The following ULK4 variants were observed in gnomAD, a reference collection of about 807,000 sequenced individuals.
The protein encoded by ULK4 is unc-51 like kinase 4, also known as inactive serine/threonine-protein kinase ULK4.
Under a neutral mutation model 160.6 loss-of-function variants are expected in ULK4, and 133 were observed. That is an observed-to-expected ratio of 0.83 (90% CI 0.72 to 0.96). ULK4 has a LOEUF of 0.96. Ranked by LOEUF, ULK4 falls within the 40% of genes least tolerant of loss-of-function variation. The pLI is 0.00. For missense variants in ULK4, 1,580 were observed against 1,499.5 expected (o/e 1.05, Z -0.89); for synonymous variants, 534 against 539.8 (o/e 0.99, Z 0.15).
intron 32 of ULK4, among the ~76,000 whole-genome samples, chr3:41,547,955 G>A (rs2086921582): frequency 6.6e-6 from 1 of 152,142 alleles, no homozygotes; most frequent in South Asian, 2.1e-4. Flanking sequence ...GCTGCCTGGG[G>A]ATGCTGCCAC....
chr3:41,357,704 G>A (rs993519965), intron 35 of ULK4, among the ~76,000 whole-genome samples: 1 of 152,148 alleles, frequency 6.6e-6, no homozygotes, highest in Non-Finnish European at 1.5e-5. Context: ...CTCAGCATAG[G>A]TATAGGTCTA....
intron 30 of ULK4, among the ~76,000 whole-genome samples, chr3:41,662,531 G>A (rs2035212453): frequency 6.6e-6 from 1 of 152,142 alleles, no homozygotes; most frequent in South Asian, 2.1e-4. Context: ...TTTCTTGTTT[G>A]CTAGTAACAA....
intron 34 of ULK4, among the ~76,000 whole-genome samples, chr3:41,444,698 G>A (rs995360228): frequency 1.3e-5 from 2 of 152,148 alleles, no homozygotes; most frequent in African/African-American, 2.4e-5. Context: ...AAAATAAAAT[G>A]GCCAGGCGCG....
At chr3:41,667,876 T>A (rs2035401806) in intron 29 of ULK4, among the ~76,000 whole-genome samples, 1 of 152,154 alleles carries the variant, frequency 6.6e-6, no homozygotes, top group African/African-American at 2.4e-5. Flanking sequence ...AGGCAAGAAT[T>A]TGAAGAGACA....
At chr3:41,312,750 C>A (rs1475843042) in intron 35 of ULK4, among the ~76,000 whole-genome samples, 5 of 152,030 alleles carry the variant, frequency 3.3e-5, no homozygotes, top group Non-Finnish European at 5.9e-5. Context: ...TGAGGTTACA[C>A]TGAGCTATGA....
Position 41,822,622 on chromosome 3 carries a change from T to C in ULK4, c.1765-3116A>G, listed in dbSNP as rs555939383. 1.1e-4 allele frequency among the ~76,000 whole-genome samples: 17 copies of C among 151,280 alleles called. No individual in the cohort carries two copies. The East Asian group carries it at 3.3e-3, about 30-fold the overall frequency. On this transcript the variant is annotated intron_variant, in intron 18 of 36. Coordinates refer to ENST00000301831, the MANE Select transcript of ULK4 (RefSeq NM_017886.4). Reference sequence around the variant, plus strand: ...TTAGTAGAGACAGCATTTCGCCATGTTGGCCAGGCTCGTCTCAAACTCCTG... The same window carrying C: ...TTAGTAGAGACAGCATTTCGCCATGCTGGCCAGGCTCGTCTCAAACTCCTG...
chr3:41,534,985 A>C (rs2086449197), intron 32 of ULK4, among the ~76,000 whole-genome samples: 2 of 152,242 alleles, frequency 1.3e-5, no homozygotes, highest in Non-Finnish European at 2.9e-5. Flanking sequence ...ATACATATAC[A>C]TACATATACA....
At chr3:41,769,292 C>T (rs1335795094) in intron 21 of ULK4, among the ~76,000 whole-genome samples, 1 of 152,116 alleles carries the variant, frequency 6.6e-6, no homozygotes, top group Non-Finnish European at 1.5e-5. Context: ...CTATATTTAA[C>T]CTTAAGCAAT....
At chr3:41,877,396 C>T (rs1228114205) in intron 17 of ULK4, among the ~76,000 whole-genome samples, 1 of 151,864 alleles carries the variant, frequency 6.6e-6, no homozygotes, top group South Asian at 2.1e-4. Flanking sequence ...CGCAGTGGTC[C>T]GATCCCAGCA....
chr3:41,457,681 C>T (rs75893467), intron 33 of ULK4, among the ~76,000 whole-genome samples: 2,837 of 152,294 alleles, frequency 0.019, 74 homozygotes, highest in African/African-American at 0.061. Flanking sequence ...CTCATGTCAG[C>T]CTCCTAACTC....
chr3:41,785,251 G>T (rs950007498), intron 21 of ULK4, among the ~76,000 whole-genome samples: 1 of 152,092 alleles, frequency 6.6e-6, no homozygotes, highest in Admixed American at 6.6e-5. Context: ...CATATAACAA[G>T]TTTCTTTTAA....
At chr3:41,263,428 A>G (rs1265425010) in intron 35 of ULK4, among the ~76,000 whole-genome samples, 1 of 152,080 alleles carries the variant, frequency 6.6e-6, no homozygotes, top group East Asian at 1.9e-4. Context: ...GGATGGAGGG[A>G]AGCAAAGTAG....
In ULK4 at chr3:41,300,062, C is replaced by G. The variant is rs1443433759; in HGVS notation, c.3679-50488G>C. On this transcript the variant is annotated intron_variant, in intron 35 of 36. Coordinates refer to ENST00000301831, the MANE Select transcript of ULK4 (RefSeq NM_017886.4). ...CTGAACCAATTTTCACCAACACCAG[C>G]AGAAGAAGAGCACCAGTTTCATCAC... Among the ~76,000 whole-genome samples the G allele has an allele frequency of 2.0e-5, 3 of 152,124 alleles. No homozygotes were observed. In the East Asian group the frequency reaches 5.8e-4, roughly 29 times the overall value.
Position 41,511,789 on chromosome 3 carries a change from A to T in ULK4, c.3227-48536T>A, listed in dbSNP as rs189254979. 1.2e-3 allele frequency among the ~76,000 whole-genome samples: 187 copies of T among 152,318 alleles called. 2 individuals carry two copies. Among genetic ancestry groups the T allele is most frequent in the Non-Finnish European group, 1.9e-3 (132 of 68,024 alleles). ...GAAATCTCCCCTAAATCATTCTATAAAGCCAGTATCACCCTAATACCAAAA... is the reference window on the plus strand; with the variant it reads ...GAAATCTCCCCTAAATCATTCTATATAGCCAGTATCACCCTAATACCAAAA... On this transcript the variant is annotated intron_variant, in intron 32 of 36. Coordinates refer to ENST00000301831, the MANE Select transcript of ULK4 (RefSeq NM_017886.4).
At chr3:41,304,216 T>C (rs759684084) in intron 35 of ULK4, among the ~76,000 whole-genome samples, 4 of 135,714 alleles carry the variant, frequency 2.9e-5, no homozygotes, top group Non-Finnish European at 6.0e-5. Context: ...GAGGTTGCAG[T>C]GAGCCAAGAT....
At chr3:41,717,998 C>T (rs1425846156) in intron 22 of ULK4, 137 bp from the exon 23 acceptor site, 4 of 1,029,306 alleles carry the variant, frequency 3.9e-6, no homozygotes, top group Non-Finnish European at 4.0e-6. Context: ...AGCAACTTGT[C>T]GGGCACAATT....
chr3:41,951,195 G>A (rs1358315503), intron 2 of ULK4, among the ~76,000 whole-genome samples: 3 of 145,026 alleles, frequency 2.1e-5, no homozygotes, highest in Non-Finnish European at 4.5e-5. Context: ...AAAATATCAC[G>A]TGTTTATGAA....
chr3:41,293,012 C>T (rs1274390460), intron 35 of ULK4, among the ~76,000 whole-genome samples: 2 of 152,062 alleles, frequency 1.3e-5, no homozygotes, highest in Non-Finnish European at 2.9e-5. Flanking sequence ...GTCCCGGTCA[C>T]TTGGGAGGCT....
chr3:41,589,027 G>T (rs2031048716), intron 31 of ULK4, among the ~76,000 whole-genome samples: 1 of 152,022 alleles, frequency 6.6e-6, no homozygotes, highest in South Asian at 2.1e-4. Context: ...TCATAAAATG[G>T]ATATTCTTGG....
Sources: allele counts gnomAD v4.1 joint callset (sites outside exome capture counted in the v4.1 genomes callset), GRCh38; gene constraint gnomAD v4.1.1; transcripts MANE v1.5; gene names NCBI Gene and HGNC (gene_info 2026-07-23, HGNC 2026-07-21).